Variants in STON2 observed in about 807,000 individuals in gnomAD.
STON2 encodes the protein stonin 2, also known as stonin-2.
A neutral mutation model predicts 65.7 loss-of-function variants in STON2; 29 were observed. The ratio of observed to expected loss-of-function variants is 0.44; its 90% CI spans 0.33 to 0.60. STON2 has a LOEUF of 0.60. Ranked by LOEUF, STON2 falls within the 20% of genes least tolerant of loss-of-function variation. The pLI is 0.03. For missense variants in STON2, 1,054 were observed against 1,118.1 expected, an observed-to-expected ratio of 0.94 and a Z score of 0.82; for synonymous variants, 404 against 414.2, an observed-to-expected ratio of 0.98 and a Z score of 0.30.
At position 81,264,865 on chromosome 14, in the gene STON2, A is replaced by G. The variant is rs1894294689; in HGVS notation, c.*3549T>C. On this transcript the variant is annotated 3_prime_UTR_variant, in exon 8 of 8. Transcript: ENST00000614646. ...GGATCATCTAATGGTCTCCCCACAA[A>G]GTGCCTCACATTGTCTTGTCTGACA... 1.0e-6 allele frequency: 1 copy of G among 985,286 alleles called. No homozygotes were observed. The highest frequency in any genetic ancestry group is 1.2e-6 in the Non-Finnish European group (1 of 829,924). The allele number at this position is 985,286 out of a possible 1,614,324, so 61.0% of individuals were successfully genotyped here. A position where few individuals can be genotyped will look rare whatever the true frequency, so the allele number is the denominator to read the frequency against.
intron 7 of STON2, chr14:81,269,733 C>T: frequency 1.0e-6 from 1 of 985,198 alleles, no homozygotes; most frequent in Non-Finnish European, 1.2e-6. Flanking sequence ...AACCACTTTG[C>T]AAAATCCTTC....
chr14:81,370,949 G>A, intron 4 of STON2, 39 bp downstream of exon 4: 2 of 1,592,658 alleles, frequency 1.3e-6, no homozygotes, highest in Non-Finnish European at 1.7e-6. Context: ...TACACCAAAA[G>A]TGATTTGCAA....
At chr14:81,412,620 T>A (rs1282183279) in intron 2 of STON2, among the ~76,000 whole-genome samples, 1 of 138,822 alleles carries the variant, frequency 7.2e-6, no homozygotes, top group Non-Finnish European at 1.5e-5. Flanking sequence ...AAGATTCAGT[T>A]TTGCAAGATA....
intron 5 of STON2, among the ~76,000 whole-genome samples, chr14:81,310,403 G>C (rs562177761): frequency 6.6e-6 from 1 of 152,074 alleles, no homozygotes. Context: ...TTCAACCTAT[G>C]AACAATTAAG....
At chr14:81,338,861 C>T (rs116750974) in intron 4 of STON2, among the ~76,000 whole-genome samples, 1,931 of 152,258 alleles carry the variant, frequency 0.013, 35 homozygotes, top group African/African-American at 0.044. Context: ...TTTCGATCCT[C>T]AATGGGAGGC....
At chr14:81,322,629 G>C (rs1896862007) in intron 5 of STON2, among the ~76,000 whole-genome samples, 1 of 152,162 alleles carries the variant, frequency 6.6e-6, no homozygotes, top group South Asian at 2.1e-4. Context: ...TTTACCTCCA[G>C]CAAAAGACAT....
intron 4 of STON2, among the ~76,000 whole-genome samples, chr14:81,329,332 G>T (rs1347652844): frequency 6.6e-6 from 1 of 152,022 alleles, no homozygotes; most frequent in African/African-American, 2.4e-5. Flanking sequence ...GCAGGCGCCT[G>T]TAGTCCCAGC....
chr14:81,292,251 G>C (rs1343775438), intron 5 of STON2, among the ~76,000 whole-genome samples: 2 of 152,188 alleles, frequency 1.3e-5, no homozygotes, highest in African/African-American at 2.4e-5. Context: ...CCAGGGCCAA[G>C]GATCATGTTA....
intron 4 of STON2, among the ~76,000 whole-genome samples, chr14:81,347,629 A>AC (rs1247565250): frequency 2.0e-5 from 3 of 149,870 alleles, no homozygotes; most frequent in Admixed American, 6.6e-5. Context: ...AAAAAAAAAA[A>AC]AAAAAAAACC....
intron 5 of STON2, among the ~76,000 whole-genome samples, chr14:81,312,606 C>T (rs1309752869): frequency 1.3e-5 from 2 of 152,350 alleles, no homozygotes; most frequent in East Asian, 3.9e-4. Context: ...GTCCATCACA[C>T]CTCCAACCTA....
intron 1 of STON2, among the ~76,000 whole-genome samples, chr14:81,435,525 G>C (rs943339658): frequency 2.0e-5 from 3 of 152,178 alleles, no homozygotes; most frequent in African/African-American, 7.2e-5. Flanking sequence ...GAGTAAGAAG[G>C]ACCTGCTCAA....
At chr14:81,343,292 A>C (rs960096931) in intron 4 of STON2, among the ~76,000 whole-genome samples, 1 of 152,208 alleles carries the variant, frequency 6.6e-6, no homozygotes, top group Non-Finnish European at 1.5e-5. Flanking sequence ...AAGAGAAAGC[A>C]GTAAGTCTCC....
At chr14:81,339,258 G>A (rs760960897) in intron 4 of STON2, among the ~76,000 whole-genome samples, 14 of 152,058 alleles carry the variant, frequency 9.2e-5, no homozygotes, top group Non-Finnish European at 1.6e-4. Context: ...TGTAATAGAC[G>A]GCAAACTGAG....
intron 2 of STON2, among the ~76,000 whole-genome samples, chr14:81,405,832 T>A (rs761495898): frequency 2.0e-5 from 3 of 152,164 alleles, no homozygotes; most frequent in Admixed American, 6.5e-5. Flanking sequence ...CCCAGGTATG[T>A]CTTTAAGGGT....
chr14:81,393,337 C>T (rs1900166629), intron 3 of STON2, among the ~76,000 whole-genome samples: 1 of 152,194 alleles, frequency 6.6e-6, no homozygotes, highest in African/African-American at 2.4e-5. Flanking sequence ...AAGAGCACCC[C>T]ACCCATCACT....
chr14:81,300,460 C>T (rs533106807), intron 5 of STON2, among the ~76,000 whole-genome samples: 1 of 152,202 alleles, frequency 6.6e-6, no homozygotes, highest in South Asian at 2.1e-4. Flanking sequence ...TTTATCAAGA[C>T]ATCAGTAAAA....
At chr14:81,417,378 A>G (rs540498471) in intron 2 of STON2, among the ~76,000 whole-genome samples, 1 of 152,216 alleles carries the variant, frequency 6.6e-6, no homozygotes, top group Admixed American at 6.5e-5. Context: ...GAAAACCTTA[A>G]CTGGGCAAAA....
chr14:81,333,320 G>A (rs996481535), intron 4 of STON2: 45 of 623,130 alleles, frequency 7.2e-5, no homozygotes, highest in Non-Finnish European at 1.1e-4. Context: ...GTCGTTGGTT[G>A]GTCATGAACT....
chr14:81,353,340 G>A (rs1257736353), intron 4 of STON2, among the ~76,000 whole-genome samples: 1 of 152,164 alleles, frequency 6.6e-6, no homozygotes, highest in Non-Finnish European at 1.5e-5. Context: ...GGAAATGAAG[G>A]TCTTCTAGCT....
Sources: gnomAD v4.1 joint callset for allele counts (sites outside exome capture counted in the v4.1 genomes callset) on GRCh38, gnomAD v4.1.1 for gene constraint, MANE v1.5 for transcripts, NCBI Gene and HGNC (gene_info 2026-07-23, HGNC 2026-07-21) for gene names.